Variants in RNF19A observed in about 807,000 individuals in gnomAD.
RNF19A encodes the protein E3 ubiquitin-protein ligase RNF19A.
RNF19A carries 32 observed loss-of-function variants against 75.7 expected under a neutral mutation model. The ratio of observed to expected loss-of-function variants is 0.42; its 90% CI spans 0.32 to 0.57. RNF19A has a LOEUF of 0.57. RNF19A is among the 20% of genes least tolerant of loss of function. RNF19A has a pLI of 0.10. For synonymous variants in RNF19A, 335 were observed against 345.2 expected, an observed-to-expected ratio of 0.97 and a Z score of 0.33; for missense variants, 782 against 1,036.3, an observed-to-expected ratio of 0.75 and a Z score of 3.37.
chr8:100,305,712 G>A (rs1822038223), intron 1 of RNF19A, among the ~76,000 whole-genome samples: 1 of 152,154 alleles, frequency 6.6e-6, no homozygotes, highest in South Asian at 2.1e-4. Flanking sequence ...CTTATGCTAA[G>A]TGCTAAGACT....
At chr8:100,273,666 A>G (rs1269561043) in intron 3 of RNF19A, among the ~76,000 whole-genome samples, 1 of 152,210 alleles carries the variant, frequency 6.6e-6, no homozygotes, top group East Asian at 1.9e-4. Context: ...ATCTCTAGAA[A>G]GTGACTGTGG....
Position 100,331,094 on chromosome 8 carries a change from A to G in RNF19A, c.-243+5014T>C, listed in dbSNP as rs948940399. 1.3e-5 allele frequency among the ~76,000 whole-genome samples: 2 copies of G among 152,174 alleles called. No homozygotes were observed. Among genetic ancestry groups the G allele is most frequent in the Non-Finnish European group, 2.9e-5 (2 of 68,028 alleles). ...GGTTAGAATCCTAATCTCCTATCTA[A>G]CACATTTATTAAGCACATCCCATAT... On this transcript the variant is annotated intron_variant, in intron 1 of 3. Coordinates refer to the RNF19A transcript ENST00000519527. This position sits in a 1 kb window ranked among gnomAD's most constrained non-coding sequence, Gnocchi z 5.2.
In RNF19A at chr8:100,275,020, G is replaced by T; in HGVS notation, c.816C>A (p.Ala272=). The part of the protein sequence containing the change: ...QTCDAARQER[A]QSLRLRTIRS... ...GTATAGTTCTCAAACGTAAGCTCTG[G>T]GCTCTCTCTTGTCGAGCAGCATCAC... The change falls in exon 3 of 10, where the codon GCC becomes GCA. Residue 272 remains alanine (A), a synonymous_variant. Transcript: ENST00000341084. The surrounding 1 kb of genome is among the most constrained non-coding windows in gnomAD (Gnocchi z 4.3). The T allele has an allele frequency of 1.2e-6, 2 of 1,613,964 alleles. No individual in the cohort carries two copies. Among genetic ancestry groups the T allele is most frequent in the Non-Finnish European group, 1.7e-6 (2 of 1,179,982 alleles).
intron 1 of RNF19A, among the ~76,000 whole-genome samples, chr8:100,308,617 C>CA (rs1316092146): frequency 6.6e-6 from 1 of 151,230 alleles, no homozygotes; most frequent in African/African-American, 2.4e-5. Context: ...AGACTTCAAA[C>CA]AACCAAAACT....
chr8:100,274,376 C>T (rs1820403336), intron 3 of RNF19A, among the ~76,000 whole-genome samples: 1 of 152,176 alleles, frequency 6.6e-6, no homozygotes, highest in Admixed American at 6.5e-5. Context: ...AACACTAATA[C>T]TACTGAGTTC....
At chr8:100,289,942 C>G (rs1171150866) in intron 1 of RNF19A, among the ~76,000 whole-genome samples, 1 of 152,138 alleles carries the variant, frequency 6.6e-6, no homozygotes, top group Non-Finnish European at 1.5e-5. Flanking sequence ...TATTCACACT[C>G]TAAAGCAATG....
intron 2 of RNF19A, among the ~76,000 whole-genome samples, chr8:100,283,818 G>T (rs1820893293): frequency 6.6e-6 from 1 of 152,196 alleles, no homozygotes; most frequent in Middle Eastern, 3.4e-3. Context: ...TATAATAAAA[G>T]GGTTAAATAC....
chr8:100,316,972 G>A lies in RNF19A; in HGVS notation c.-242-3600C>T, dbSNP rs541662245. On this transcript the variant is annotated intron_variant, in intron 1 of 3. Transcript: ENST00000519527. ...AATCGAGCGCAGCGCCGGTGGGCTG[G>A]CACTGCTGGGGGACCCAGTACACTC... is the stretch of plus-strand genomic sequence containing the variant. Among the ~76,000 whole-genome samples the A allele has an allele frequency of 3.9e-5, 6 of 152,312 alleles. No individual in the cohort carries two copies. The South Asian group carries it at 1.2e-3, about 32-fold the overall frequency.
chr8:100,312,891 C>T (rs1822321826), upstream of RNF19A, among the ~76,000 whole-genome samples: 1 of 152,222 alleles, frequency 6.6e-6, no homozygotes, highest in Admixed American at 6.5e-5. Flanking sequence ...CACTGCACTC[C>T]AGCCTGGGCA....
chr8:100,308,289 G>A (rs1248387110), intron 1 of RNF19A, among the ~76,000 whole-genome samples: 1 of 152,110 alleles, frequency 6.6e-6, no homozygotes, highest in East Asian at 1.9e-4. Flanking sequence ...TTTAAAAAAA[G>A]AGAACATTAA....
intron 2 of RNF19A, among the ~76,000 whole-genome samples, chr8:100,276,487 C>T (rs952040437): frequency 6.6e-6 from 1 of 151,954 alleles, no homozygotes; most frequent in Non-Finnish European, 1.5e-5. Flanking sequence ...CATGGTGGCT[C>T]ACACCTGTAA....
rs1819670579 is a variant in RNF19A, at chr8:100,260,667, C to A, written c.1683-670G>T. Among the ~76,000 whole-genome samples, 2 of 152,146 alleles carry A rather than the reference C, an allele frequency of 1.3e-5. No homozygotes were observed. The highest frequency in any genetic ancestry group is 2.1e-4 in the South Asian group (1 of 4,824). On this transcript the variant is annotated intron_variant, in intron 8 of 9. Coordinates refer to ENST00000341084, the MANE Select transcript of RNF19A (RefSeq NM_183419.4). The surrounding 1 kb of genome is among the most constrained non-coding windows in gnomAD (Gnocchi z 4.1). ...CCTAAAAATAAGATGTCTAATTTAT[C>A]TTTTAATTCATGTATTCTCCCCTAC...
At chr8:100,276,040 C>T (rs138210911) in intron 2 of RNF19A, among the ~76,000 whole-genome samples, 1 of 152,164 alleles carries the variant, frequency 6.6e-6, no homozygotes, top group Non-Finnish European at 1.5e-5. Flanking sequence ...ATACCTTTCT[C>T]CGAGTTAATA....
At position 100,328,664 on chromosome 8, in the gene RNF19A, G is replaced by A. The variant is rs556980246; in HGVS notation, c.-243+7444C>T. On this transcript the variant is annotated intron_variant, in intron 1 of 3. Coordinates refer to the RNF19A transcript ENST00000519527. ...TTTTTGCATTTTCAGTAGAGACGGG[G>A]TTTCACCATGTTGGTCAGGCTAGTC... Among the ~76,000 whole-genome samples the A allele has an allele frequency of 9.9e-5, 15 of 152,180 alleles. No homozygotes were observed. In the South Asian group the frequency reaches 2.9e-3, roughly 29 times the overall value.
rs543440872 is a variant in RNF19A at position 100,259,620 on chromosome 8, A to G, written c.1826+234T>C. On this transcript the variant is annotated intron_variant, in intron 9 of 9. Coordinates refer to ENST00000341084, the MANE Select transcript of RNF19A (RefSeq NM_183419.4). This position sits in a 1 kb window ranked among gnomAD's most constrained non-coding sequence, Gnocchi z 4.5. ...TCAGAACATTTTCATGATCCCAAAAAGGGATCTTGCATCCATTAGCAGTTA... is the reference window on the plus strand; with the variant it reads ...TCAGAACATTTTCATGATCCCAAAAGGGGATCTTGCATCCATTAGCAGTTA... Among the ~76,000 whole-genome samples, 9 of 152,264 alleles carry G rather than the reference A, an allele frequency of 5.9e-5. No individual in the cohort carries two copies. Among genetic ancestry groups the G allele is most frequent in the African/African-American group, 2.2e-4 (9 of 41,558 alleles).
At position 100,264,344 on chromosome 8, in the gene RNF19A, T is replaced by A. The variant is rs1266843131; in HGVS notation, c.1307-149A>T. 2.9e-6 allele frequency: 2 copies of A among 691,870 alleles called. No homozygotes were observed. Among genetic ancestry groups the A allele is most frequent in the African/African-American group, 3.6e-5 (2 of 55,518 alleles). The allele number at this position is 691,870 out of a possible 1,614,324, so 42.9% of individuals were successfully genotyped here. ...GCTGGAACATTTGCCAAAAGTAGAT[T>A]TACCCAGTTGTTAAGCAAATTCAAG... is the stretch of plus-strand genomic sequence containing the variant. On this transcript the variant is annotated intron_variant, in intron 6 of 9. Coordinates refer to ENST00000341084, the MANE Select transcript of RNF19A (RefSeq NM_183419.4). This position sits in a 1 kb window ranked among gnomAD's most constrained non-coding sequence, Gnocchi z 4.7.
In RNF19A at chr8:100,269,955, C is replaced by G; in HGVS notation, c.942G>C (p.Gly314=). Residue 314 remains glycine, a synonymous_variant, in exon 4 of 10, where the codon GGG becomes GGC. Transcript: ENST00000341084. This position sits in a 1 kb window ranked among gnomAD's most constrained non-coding sequence, Gnocchi z 5.7. ...CAAYIIKMND[G]SCNHMTCAVC... is the part of the protein sequence containing the mutation. ...CAGCACATGTCATGTGATTGCAGCT[C>G]CCATCATTCATCTTTATTATATAAG... is the stretch of plus-strand genomic sequence containing the variant. The G allele has an allele frequency of 1.2e-6, 2 of 1,610,104 alleles. No individual in the cohort carries two copies. The highest frequency in any genetic ancestry group is 1.7e-6 in the Non-Finnish European group (2 of 1,178,128).
At chr8:100,265,041 T>C (rs1303577738) in intron 5 of RNF19A, among the ~76,000 whole-genome samples, 6 of 152,202 alleles carry the variant, frequency 3.9e-5, no homozygotes, top group Non-Finnish European at 8.8e-5. Context: ...AAAGTCATCT[T>C]TATAATCTTA....
chr8:100,293,949 T>C (rs1249214390), intron 1 of RNF19A, among the ~76,000 whole-genome samples: 2 of 152,232 alleles, frequency 1.3e-5, no homozygotes, highest in Non-Finnish European at 2.9e-5. Context: ...TCTATTGTTC[T>C]TTTTCATAGT....
Sources: allele counts gnomAD v4.1 joint callset (sites outside exome capture counted in the v4.1 genomes callset), GRCh38; gene constraint gnomAD v4.1.1; non-coding constraint Gnocchi (gnomAD v3.1); transcripts MANE v1.5; gene names NCBI Gene and HGNC (gene_info 2026-07-23, HGNC 2026-07-21).